Variants in DAB1 observed in about 807,000 individuals in gnomAD.
DAB1 encodes DAB adaptor protein 1.
Under a neutral mutation model 64.6 loss-of-function variants are expected in DAB1, and 15 were observed. The observed-to-expected ratio is 0.23, with a 90% confidence interval of 0.16 to 0.36. The LOEUF is 0.36. Ranked by LOEUF, DAB1 falls within the 10% of genes least tolerant of loss-of-function variation. The pLI is 1.00. For synonymous variants in DAB1, 235 were observed against 251.9 expected (o/e 0.93, Z 0.64); for missense variants, 596 against 706.7 (o/e 0.84, Z 1.78).
intron 1 of DAB1, chr1:57,867,419 A>G (rs1274860840): frequency 6.6e-6 from 1 of 152,146 alleles, no homozygotes; most frequent in Non-Finnish European, 1.5e-5. Context: ...ACCCAGAGAC[A>G]TTGCCTGAAC....
intron 6 of DAB1, among the ~76,000 whole-genome samples, chr1:57,801,152 TG>T (rs1367228627): frequency 6.6e-6 from 1 of 152,222 alleles, no homozygotes; most frequent in African/African-American, 2.4e-5. Flanking sequence ...TGTCATTTTC[TG>T]ACAGATTAAT....
chr1:57,956,625 C>T lies in DAB1; in HGVS notation n.388-72463G>A, dbSNP rs28546882. Among the ~76,000 whole-genome samples, 7 of 152,260 alleles carry T rather than the reference C, an allele frequency of 4.6e-5. No individual in the cohort carries two copies. The East Asian group carries it at 5.8e-4, about 13-fold the overall frequency. On this transcript the variant is annotated intron_variant and non_coding_transcript_variant, in intron 5 of 20. Transcript: ENST00000485760. ...AACAGGCAGAAAGCAGACATGATAACGAGATTGCCACCTATTTACCTTCTT... is the reference window on the plus strand; with the variant it reads ...AACAGGCAGAAAGCAGACATGATAATGAGATTGCCACCTATTTACCTTCTT...
At chr1:57,422,924 G>A (rs1184914757) in intron 1 of DAB1, among the ~76,000 whole-genome samples, 1 of 152,148 alleles carries the variant, frequency 6.6e-6, no homozygotes, top group South Asian at 2.1e-4. Context: ...TCCCACCAGG[G>A]GTCACAATAA....
chr1:58,324,894 G>T (rs1662785535), intron 4 of DAB1, among the ~76,000 whole-genome samples: 1 of 152,156 alleles, frequency 6.6e-6, no homozygotes, highest in Admixed American at 6.5e-5. Flanking sequence ...TAGAAGATAA[G>T]GCAGGCATAG....
chr1:57,206,792 GGAGTCAGAAA>G, intron 2 of DAB1, among the ~76,000 whole-genome samples: 1 of 152,150 alleles, frequency 6.6e-6, no homozygotes, highest in African/African-American at 2.4e-5. Flanking sequence ...CAGGCGTTTT[GGAGTCAGAAA>G]GACCTGGAAT....
intron 1 of DAB1, among the ~76,000 whole-genome samples, chr1:57,315,647 T>C (rs267641): frequency 0.14 from 21,961 of 151,986 alleles, 2,535 homozygotes; most frequent in African/African-American, 0.32. Flanking sequence ...GGACTACAAG[T>C]GCCTGCCACC....
At chr1:57,461,691 T>A (rs1454597762) in intron 7 of DAB1, among the ~76,000 whole-genome samples, 1 of 152,220 alleles carries the variant, frequency 6.6e-6, no homozygotes, top group Admixed American at 6.5e-5. Flanking sequence ...TTTCACTTTC[T>A]GCTGAAGGCT....
In DAB1 at chr1:57,687,599, CAAAA is replaced by C. The variant is rs57316234; in HGVS notation, n.552-37938_552-37935del. Reference sequence around the variant, plus strand: ...GAATATCGAAAGTAATCTTAAGAAACAAAAAAAAAAAAAAAAAAAAGAAAAAAAG... The same window carrying C: ...GAATATCGAAAGTAATCTTAAGAAACAAAAAAAAAAAAAAAAGAAAAAAAG... On this transcript the variant is annotated intron_variant and non_coding_transcript_variant, in intron 6 of 20. Coordinates refer to the DAB1 transcript ENST00000485760. Among the ~76,000 whole-genome samples the C allele has an allele frequency of 3.6e-4, 30 of 82,458 alleles. 1 individual carries two copies. In the South Asian group the frequency reaches 0.012, roughly 33 times the overall value. The allele number at this position is 82,458 out of a possible 152,430, so 54.1% of individuals were successfully genotyped here. A position where few individuals can be genotyped will look rare whatever the true frequency, so the allele number is the denominator to read the frequency against.
chr1:57,325,269 G>A (rs1310314761), intron 1 of DAB1, among the ~76,000 whole-genome samples: 1 of 152,172 alleles, frequency 6.6e-6, no homozygotes, highest in Non-Finnish European at 1.5e-5. Flanking sequence ...CAAATCACCT[G>A]CCCCCTGTTC....
At chr1:57,460,718 C>T (rs1686753719) in intron 7 of DAB1, among the ~76,000 whole-genome samples, 1 of 151,754 alleles carries the variant, frequency 6.6e-6, no homozygotes, top group East Asian at 1.9e-4. Flanking sequence ...GCTACAGAGG[C>T]CCCTTCATTC....
At chr1:57,569,414 A>T (rs1645166049) in intron 7 of DAB1, among the ~76,000 whole-genome samples, 1 of 152,200 alleles carries the variant, frequency 6.6e-6, no homozygotes, top group Non-Finnish European at 1.5e-5. Context: ...GCCATAAAAA[A>T]TGATGAGTTC....
chr1:58,377,773 G>A (rs1274382898), intron 3 of DAB1, among the ~76,000 whole-genome samples: 1 of 138,280 alleles, frequency 7.2e-6, no homozygotes, highest in Non-Finnish European at 1.6e-5. Context: ...CCTGCAGAGT[G>A]TTTTCCAACT....
intron 2 of DAB1, among the ~76,000 whole-genome samples, chr1:57,239,473 C>A (rs1260469060): frequency 6.6e-6 from 1 of 152,112 alleles, no homozygotes; most frequent in African/African-American, 2.4e-5. Context: ...TGGCATATGA[C>A]CATGGATATA....
At chr1:58,121,404 C>T (rs1265010077) in intron 5 of DAB1, among the ~76,000 whole-genome samples, 1 of 152,096 alleles carries the variant, frequency 6.6e-6, no homozygotes, top group Non-Finnish European at 1.5e-5. Context: ...TAACATTCTT[C>T]CCCCAGGCCC....
chr1:57,128,161 AAATAAAT>A (rs1557770664), intron 4 of DAB1, among the ~76,000 whole-genome samples: 22 of 146,444 alleles, frequency 1.5e-4, no homozygotes, highest in African/African-American at 5.1e-4. Context: ...AAAAATAAAT[AAATAAAT>A]AAATAAATAA....
intron 3 of DAB1, among the ~76,000 whole-genome samples, chr1:58,500,994 CTAT>C (rs1346084947): frequency 6.6e-6 from 1 of 152,138 alleles, no homozygotes; most frequent in Non-Finnish European, 1.5e-5. Flanking sequence ...AACTGTCATA[CTAT>C]TAAACATCAA....
chr1:58,434,493 C>T (rs1213057867), intron 3 of DAB1, among the ~76,000 whole-genome samples: 1 of 151,698 alleles, frequency 6.6e-6, no homozygotes, highest in African/African-American at 2.4e-5. Context: ...ATGGAGGAGG[C>T]TGCAGATGGA....
intron 5 of DAB1, among the ~76,000 whole-genome samples, chr1:57,939,210 A>G (rs1236136945): frequency 2.0e-5 from 3 of 152,108 alleles, no homozygotes; most frequent in Non-Finnish European, 2.9e-5. Flanking sequence ...GAAAGAGAGC[A>G]TGCTCTGGTC....
chr1:57,787,791 A>T (rs1362980763), intron 6 of DAB1, among the ~76,000 whole-genome samples: 1 of 152,146 alleles, frequency 6.6e-6, no homozygotes, highest in Non-Finnish European at 1.5e-5. Context: ...GACTCGTAAG[A>T]AGAATACATA....
Sources: gnomAD v4.1 joint callset for allele counts (sites outside exome capture counted in the v4.1 genomes callset) on GRCh38, gnomAD v4.1.1 for gene constraint, MANE v1.5 for transcripts, NCBI Gene and HGNC (gene_info 2026-07-23, HGNC 2026-07-21) for gene names.